Variants in LHFPL2 observed in about 807,000 individuals in gnomAD.
LHFPL2 encodes the protein LHFPL tetraspan subfamily member 2, also known as LHFPL tetraspan subfamily member 2 protein.
Under a neutral mutation model 17.5 loss-of-function variants are expected in LHFPL2, and 7 were observed. The observed-to-expected ratio is 0.40, with a 90% CI of 0.23 to 0.75. LHFPL2 has a LOEUF of 0.75. Among genes scored for constraint, LHFPL2 ranks in the 30% least tolerant of loss-of-function variants. The pLI, the probability that LHFPL2 is intolerant of heterozygous loss-of-function variation, is 0.37. For synonymous variants in LHFPL2, 134 were observed against 116.2 expected, an observed-to-expected ratio of 1.15 and a Z score of -0.99; for missense variants, 241 against 294.8, an observed-to-expected ratio of 0.82 and a Z score of 1.34.
intron 3 of LHFPL2, among the ~76,000 whole-genome samples, chr5:78,533,622 T>C (rs2112362268): frequency 6.6e-6 from 1 of 152,324 alleles, no homozygotes; most frequent in Non-Finnish European, 1.5e-5. Context: ...AGAGCACCCT[T>C]TTAAGCAGAA....
intron 3 of LHFPL2, among the ~76,000 whole-genome samples, chr5:78,541,381 T>C (rs1039580113): frequency 7.9e-5 from 12 of 152,198 alleles, no homozygotes; most frequent in African/African-American, 2.4e-4. Flanking sequence ...TGAAGTTTCC[T>C]GCCCACTCCT....
chr5:78,584,567 T>C (rs994464491), intron 2 of LHFPL2, among the ~76,000 whole-genome samples: 2 of 152,006 alleles, frequency 1.3e-5, no homozygotes, highest in African/African-American at 4.8e-5. Flanking sequence ...CTGCCCCTGC[T>C]GGGGGGGTGC....
intron 2 of LHFPL2, among the ~76,000 whole-genome samples, chr5:78,589,772 T>A (rs1298720035): frequency 6.6e-6 from 1 of 152,214 alleles, no homozygotes; most frequent in Non-Finnish European, 1.5e-5. Flanking sequence ...GGCCACTATG[T>A]CTGGTTCACC....
rs1363209899 is a variant in LHFPL2, at chr5:78,608,351, T to C, written c.-245+23913A>G. On this transcript the variant is annotated intron_variant, in intron 2 of 4. Coordinates refer to ENST00000380345, the MANE Select transcript of LHFPL2 (RefSeq NM_005779.3). ...CTCTTTAGCAAAGTTTTAGGAGCAA[T>C]ATGAAAATATGGAACATAACAGATT... is the stretch of plus-strand genomic sequence containing the variant. Among the ~76,000 whole-genome samples, 3 of 152,196 alleles carry C rather than the reference T, an allele frequency of 2.0e-5. No individual in the cohort carries two copies. The South Asian group carries it at 6.2e-4, about 32-fold the overall frequency.
At chr5:78,553,047 C>T (rs1006029246) in intron 3 of LHFPL2, among the ~76,000 whole-genome samples, 8 of 152,164 alleles carry the variant, frequency 5.3e-5, no homozygotes, top group African/African-American at 1.9e-4. Context: ...AATGGGTTCG[C>T]CACAAATGGT....
At chr5:78,492,394 C>T (rs1435401113) in intron 4 of LHFPL2, among the ~76,000 whole-genome samples, 1 of 152,224 alleles carries the variant, frequency 6.6e-6, no homozygotes, top group Non-Finnish European at 1.5e-5. Flanking sequence ...GCTCTGCCAC[C>T]TTGTGTCAGG....
intron 2 of LHFPL2, among the ~76,000 whole-genome samples, chr5:78,576,817 T>C (rs1275174352): frequency 6.6e-6 from 1 of 152,244 alleles, no homozygotes; most frequent in African/African-American, 2.4e-5. Context: ...AGATTTGTTA[T>C]ATAGATACCA....
intron 3 of LHFPL2, among the ~76,000 whole-genome samples, chr5:78,532,315 C>T (rs1338457350): frequency 1.3e-5 from 2 of 152,196 alleles, no homozygotes; most frequent in Admixed American, 6.5e-5. Flanking sequence ...CTGCCTTGGC[C>T]TCCTAAAGTC....
intron 2 of LHFPL2, among the ~76,000 whole-genome samples, chr5:78,570,185 T>A (rs575194906): frequency 3.9e-4 from 60 of 152,276 alleles, no homozygotes; most frequent in African/African-American, 1.4e-3. Context: ...AGTAGACAAT[T>A]CATAAATGTT....
At chr5:78,566,552 C>T (rs1756865561) in intron 2 of LHFPL2, among the ~76,000 whole-genome samples, 1 of 152,078 alleles carries the variant, frequency 6.6e-6, no homozygotes, top group Non-Finnish European at 1.5e-5. Context: ...CAACCTCCAC[C>T]TCCTGGGCGA....
At chr5:78,579,138 C>T (rs1234400375) in intron 2 of LHFPL2, among the ~76,000 whole-genome samples, 2 of 152,060 alleles carry the variant, frequency 1.3e-5, no homozygotes, top group African/African-American at 4.8e-5. Context: ...TGTCCTTAAG[C>T]AAAGCAAAAC....
chr5:78,624,040 T>C (rs1454375202), intron 2 of LHFPL2, among the ~76,000 whole-genome samples: 17 of 152,226 alleles, frequency 1.1e-4, no homozygotes, highest in Admixed American at 1.1e-3. Context: ...ATACACTCTT[T>C]TCATTCAAGC....
At chr5:78,581,494 A>G (rs1460209041) in intron 2 of LHFPL2, among the ~76,000 whole-genome samples, 1 of 152,176 alleles carries the variant, frequency 6.6e-6, no homozygotes, top group African/African-American at 2.4e-5. Flanking sequence ...GAGAGTTTTT[A>G]GCATGAAGTT....
chr5:78,572,044 G>C (rs967914678), intron 2 of LHFPL2, among the ~76,000 whole-genome samples: 3 of 152,176 alleles, frequency 2.0e-5, no homozygotes, highest in Non-Finnish European at 4.4e-5. Context: ...CCAAATGCTG[G>C]GGGGAAAGGA....
chr5:78,514,978 G>A (rs1471488911), intron 3 of LHFPL2, among the ~76,000 whole-genome samples: 1 of 152,048 alleles, frequency 6.6e-6, no homozygotes. Context: ...CACATTTTCT[G>A]AACTATCTGA....
chr5:78,545,477 C>A (rs1287121622), intron 3 of LHFPL2, among the ~76,000 whole-genome samples: 1 of 152,198 alleles, frequency 6.6e-6, no homozygotes, highest in Non-Finnish European at 1.5e-5. Flanking sequence ...CAAATGGGGA[C>A]CTCATGGCTT....
At chr5:78,645,279 G>T (rs1411289868) in intron 1 of LHFPL2, among the ~76,000 whole-genome samples, 1 of 150,820 alleles carries the variant, frequency 6.6e-6, no homozygotes, top group Non-Finnish European at 1.5e-5. Flanking sequence ...TGTGTACTCT[G>T]TAAGAGTAGA....
chr5:78,575,916 C>A (rs746104676), intron 2 of LHFPL2, among the ~76,000 whole-genome samples: 13 of 152,194 alleles, frequency 8.5e-5, no homozygotes, highest in Non-Finnish European at 1.3e-4. Flanking sequence ...TTTTTGGAGA[C>A]AGGGTCTTGC....
In LHFPL2 at chr5:78,646,494, C is replaced by T. The variant is rs182599935; in HGVS notation, c.-350+2005G>A. Among the ~76,000 whole-genome samples, 461 of 152,310 alleles carry T rather than the reference C, an allele frequency of 3.0e-3. 4 individuals are homozygous for T. Among genetic ancestry groups the T allele is most frequent in the African/African-American group, 0.01 (424 of 41,566 alleles). ...TATCCGAGCTGAATTATTATCATCA[C>T]CATTTTATAGACACAGAAACAGAGA... On this transcript the variant is annotated intron_variant, in intron 1 of 4. Transcript: ENST00000380345.
Sources: gnomAD v4.1 joint callset for allele counts (sites outside exome capture counted in the v4.1 genomes callset) on GRCh38, gnomAD v4.1.1 for gene constraint, MANE v1.5 for transcripts, NCBI Gene and HGNC (gene_info 2026-07-23, HGNC 2026-07-21) for gene names.